CEP192: variants seen among roughly 807,000 people sequenced by gnomAD.
The protein encoded by CEP192 is centrosomal protein 192.
Under a neutral mutation model 271.8 loss-of-function variants are expected in CEP192, and 151 were observed. That is an observed-to-expected ratio of 0.56 (90% CI 0.49 to 0.64). The LOEUF (loss-of-function observed/expected upper bound fraction) is 0.64, where lower values mean the gene tolerates loss of function less well. Among genes scored for constraint, CEP192 ranks in the 30% least tolerant of loss-of-function variants. The pLI, the probability that CEP192 is intolerant of heterozygous loss-of-function variation, is 0.00. For synonymous variants in CEP192, 995 were observed against 1,076.5 expected (o/e 0.92, Z 1.48); for missense variants, 2,910 against 3,020.5 (o/e 0.96, Z 0.86).
chr18:13,104,274 A>G (rs1036633999), intron 39 of CEP192, among the ~76,000 whole-genome samples: 19 of 152,184 alleles, frequency 1.2e-4, no homozygotes, highest in African/African-American at 4.3e-4. Flanking sequence ...CCAGCGGTGC[A>G]GGAAACGGAG....
chr18:13,004,911 T>C (rs938838023), intron 3 of CEP192, among the ~76,000 whole-genome samples: 9 of 152,068 alleles, frequency 5.9e-5, no homozygotes, highest in East Asian at 1.9e-4. Flanking sequence ...AGATTGGCCA[T>C]GTAAGATTGG....
intron 4 of CEP192, among the ~76,000 whole-genome samples, chr18:13,012,472 G>A (rs769728327): frequency 1.8e-4 from 28 of 152,046 alleles, no homozygotes; most frequent in Admixed American, 1.3e-3. Context: ...ACATAACCAC[G>A]GTGCTATTAA....
intron 14 of CEP192, among the ~76,000 whole-genome samples, chr18:13,041,725 C>T (rs1242567020): frequency 1.3e-5 from 2 of 152,050 alleles, no homozygotes; most frequent in Admixed American, 6.6e-5. Context: ...CCACCATGCT[C>T]AGCTAATTTT....
intron 21 of CEP192, among the ~76,000 whole-genome samples, chr18:13,066,415 C>T (rs1040344550): frequency 1.3e-5 from 2 of 152,218 alleles, no homozygotes; most frequent in East Asian, 3.9e-4. Context: ...TCCTGATTTT[C>T]TTCTAGTGGC....
At chr18:13,004,273 G>T (rs76319349) in intron 3 of CEP192, among the ~76,000 whole-genome samples, 6,613 of 151,398 alleles carry the variant, frequency 0.044, 209 homozygotes, top group African/African-American at 0.095. Flanking sequence ...CAGCTGGATG[G>T]TTGTAGTGGG....
At chr18:13,066,167 T>C (rs909334144) in intron 21 of CEP192, among the ~76,000 whole-genome samples, 1 of 152,244 alleles carries the variant, frequency 6.6e-6, no homozygotes, top group African/African-American at 2.4e-5. Context: ...TCCTTCCATA[T>C]TACCTTTGAC....
chr18:13,124,654 C>T lies in CEP192; in HGVS notation c.7498C>T (p.Pro2500Ser), dbSNP rs765275145. The T allele has an allele frequency of 9.9e-6, 16 of 1,613,798 alleles. No homozygotes were observed. The highest frequency in any genetic ancestry group is 2.2e-5 in the East Asian group (1 of 44,870). ...CAGAGCCCAGCATTACATCAACATG[C>T]CCGTGCAGTTCAAACCGAAGTCCGC... is the stretch of plus-strand genomic sequence containing the variant. ...SLRAQHYINM[P>S]VQFKPKSAGK... is the part of the protein sequence containing the mutation. Residue 2500 changes from proline (P) to serine (S), a missense_variant, in exon 45 of 45, where the codon CCC becomes TCC. Pro to Ser is a moderately conservative substitution (Grantham distance 74). Coordinates refer to ENST00000506447, the MANE Select transcript of CEP192 (RefSeq NM_032142.4).
chr18:13,039,686 G>T (rs2036101049), intron 13 of CEP192, among the ~76,000 whole-genome samples: 1 of 152,078 alleles, frequency 6.6e-6, no homozygotes, highest in Non-Finnish European at 1.5e-5. Context: ...TGGTAGGAGG[G>T]GGGTTTTATC....
intron 38 of CEP192, among the ~76,000 whole-genome samples, chr18:13,102,737 C>T (rs2039771148): frequency 6.6e-6 from 1 of 152,190 alleles, no homozygotes; most frequent in Non-Finnish European, 1.5e-5. Context: ...ACTCCTCTCC[C>T]TGGTTTCTAA....
At chr18:13,017,628 CT>C (rs2034733252) in intron 7 of CEP192, among the ~76,000 whole-genome samples, 1 of 152,188 alleles carries the variant, frequency 6.6e-6, no homozygotes, top group Non-Finnish European at 1.5e-5. Flanking sequence ...TCCATAAATA[CT>C]TTCTTCTCTG....
intron 30 of CEP192, among the ~76,000 whole-genome samples, chr18:13,076,941 A>G (rs569453): frequency 0.68 from 103,703 of 151,830 alleles, 36,128 homozygotes; most frequent in African/African-American, 0.82. Context: ...CCGTCACCAC[A>G]CCCGGCTAAT....
rs141966359 is a variant in CEP192 at position 13,079,117 on chromosome 18, A to G, written c.5616+5932A>G. On this transcript the variant is annotated intron_variant, in intron 30 of 44. Coordinates refer to ENST00000506447, the MANE Select transcript of CEP192 (RefSeq NM_032142.4). ...AACATATGTGTGCATGTGTCTTTAT[A>G]GTAGCATGAATTATAATCCTTTGGG... Among the ~76,000 whole-genome samples, 903 of 152,320 alleles carry G rather than the reference A, an allele frequency of 5.9e-3. 9 individuals carry two copies. The highest frequency in any genetic ancestry group is 0.021 in the African/African-American group (868 of 41,562).
intron 40 of CEP192, among the ~76,000 whole-genome samples, chr18:13,112,350 C>G (rs1031610722): frequency 6.6e-6 from 1 of 152,144 alleles, no homozygotes; most frequent in Admixed American, 6.6e-5. Flanking sequence ...AAACATTATG[C>G]TAAGTGAAAG....
rs182294075 is a variant in CEP192 at position 13,032,990 on chromosome 18, C to T, written c.1534+2382C>T. Among the ~76,000 whole-genome samples the T allele has an allele frequency of 1.1e-4, 17 of 152,328 alleles. No individual in the cohort carries two copies. In the South Asian group the frequency reaches 2.1e-3, roughly 19 times the overall value. On this transcript the variant is annotated intron_variant, in intron 11 of 44. Transcript: ENST00000506447. ...CACTCCTGCAGAGCCAGCCACAGGG[C>T]AGTGGCTACATGTGGATGGGCAGGT...
At chr18:13,041,610 C>T (rs1419661476) in intron 14 of CEP192, among the ~76,000 whole-genome samples, 2 of 147,984 alleles carry the variant, frequency 1.4e-5, no homozygotes, top group Non-Finnish European at 3.0e-5. Context: ...CAGAGTCTCT[C>T]TCTGTCACAC....
rs759616249 is a variant in CEP192 at position 13,018,508 on chromosome 18, A to G, written c.818A>G (p.Lys273Arg). The G allele has an allele frequency of 9.8e-6, 15 of 1,537,398 alleles. No homozygotes were observed. The highest frequency in any genetic ancestry group is 3.7e-5 in the South Asian group (3 of 82,126). The change falls in exon 8 of 45, where the codon AAG (lysine) becomes AGG (arginine). Residue 273 changes from lysine (K) to arginine (R), a missense_variant. Lys to Arg is a conservative substitution (Grantham distance 26). Transcript: ENST00000506447. ...QANENGSLNC[K>R]FQSENNSSLI... The stretch of plus-strand genomic sequence containing the variant: ...AATGAAAACGGTAGCTTAAACTGCA[A>G]GTTTCAATCAGAAAATAACAGCTCT...
At chr18:13,031,864 G>T (rs2035650931) in intron 11 of CEP192, among the ~76,000 whole-genome samples, 2 of 152,186 alleles carry the variant, frequency 1.3e-5, no homozygotes, top group Non-Finnish European at 2.9e-5. Flanking sequence ...TCCTTTGGGG[G>T]CATGAGAAAT....
chr18:13,016,680 C>A (rs1007808754), intron 6 of CEP192, among the ~76,000 whole-genome samples: 4 of 152,130 alleles, frequency 2.6e-5, no homozygotes, highest in Non-Finnish European at 5.9e-5. Flanking sequence ...AGTGACATTG[C>A]CAACTTAGAA....
chr18:13,031,500 G>A (rs112565166), intron 11 of CEP192, among the ~76,000 whole-genome samples: 20,521 of 151,964 alleles, frequency 0.14, 1,531 homozygotes, highest in East Asian at 0.31. Flanking sequence ...GCCCGCCTCG[G>A]CCTCCCAAAG....
Sources: gnomAD v4.1 joint callset for allele counts (sites outside exome capture counted in the v4.1 genomes callset) on GRCh38, gnomAD v4.1.1 for gene constraint, MANE v1.5 for transcripts, NCBI Gene and HGNC (gene_info 2026-07-23, HGNC 2026-07-21) for gene names.